The following SORCS2 variants were observed in gnomAD, a reference collection of about 807,000 sequenced individuals.
SORCS2 encodes sortilin related VPS10 domain containing receptor 2.
SORCS2 carries 100 observed loss-of-function variants against 141.6 expected under a neutral mutation model. The observed-to-expected ratio is 0.71, with a 90% confidence interval of 0.60 to 0.83. SORCS2 has a LOEUF of 0.83. Ranked by LOEUF, SORCS2 falls within the 40% of genes least tolerant of loss-of-function variation. The probability of loss-of-function intolerance (pLI) is 0.00; values close to 1 mark genes in which losing one functional copy is unlikely to be tolerated. For missense variants in SORCS2, 1,646 were observed against 1,560.2 expected (o/e 1.05, Z -0.93); for synonymous variants, 789 against 676.9 (o/e 1.17, Z -2.57).
At chr4:7,208,538 G>A (rs1180942799) in intron 1 of SORCS2, among the ~76,000 whole-genome samples, 7 of 152,200 alleles carry the variant, frequency 4.6e-5, no homozygotes, top group African/African-American at 1.7e-4. Flanking sequence ...TGTACACCCC[G>A]GCAGCCGCAG....
intron 1 of SORCS2, among the ~76,000 whole-genome samples, chr4:7,215,040 C>A (rs1192698920): frequency 2.0e-5 from 3 of 152,092 alleles, no homozygotes; most frequent in Non-Finnish European, 2.9e-5. Flanking sequence ...ACTTGAGGAG[C>A]CCTTCAGCCC....
chr4:7,635,768 T>G (rs1427622631), intron 3 of SORCS2, among the ~76,000 whole-genome samples: 1 of 152,184 alleles, frequency 6.6e-6, no homozygotes, highest in Non-Finnish European at 1.5e-5. Flanking sequence ...AGCACACACC[T>G]TCGTCCGCAT....
intron 23 of SORCS2, among the ~76,000 whole-genome samples, chr4:7,732,382 C>T (rs142267444): frequency 9.2e-5 from 14 of 152,192 alleles, no homozygotes; most frequent in East Asian, 1.9e-4. Context: ...TGAGAGGGGC[C>T]GGGAGGGAGT....
intron 17 of SORCS2, among the ~76,000 whole-genome samples, chr4:7,717,331 A>C (rs1351804267): frequency 6.6e-6 from 1 of 152,138 alleles, no homozygotes; most frequent in African/African-American, 2.4e-5. Flanking sequence ...AGCCAGCGCC[A>C]TCACAGCTGT....
In SORCS2 at chr4:7,400,628, C is replaced by T. The variant is rs187698761; in HGVS notation, c.548+4273C>T. On this transcript the variant is annotated intron_variant, in intron 2 of 26. Coordinates refer to ENST00000507866, the MANE Select transcript of SORCS2 (RefSeq NM_020777.3). ...TTGGATGAATGGATTGACAGATGGA[C>T]AGCCGGGTGGATGGATGAATGGACA... Among the ~76,000 whole-genome samples the T allele has an allele frequency of 2.0e-5, 3 of 152,070 alleles. No individual in the cohort carries two copies. The East Asian group carries it at 5.8e-4, about 29-fold the overall frequency.
chr4:7,192,933 C>A lies in SORCS2; in HGVS notation c.287C>A (p.Pro96Gln). The A allele has an allele frequency of 7.9e-7, 1 of 1,272,910 alleles. No individual in the cohort carries two copies. Among genetic ancestry groups the A allele is most frequent in the Non-Finnish European group, 9.9e-7 (1 of 1,013,566 alleles). The allele number at this position is 1,272,910 out of a possible 1,614,324, so 78.9% of individuals were successfully genotyped here. A position where few individuals can be genotyped will look rare whatever the true frequency, so the allele number is the denominator to read the frequency against. Reference sequence around the variant, plus strand: ...GGCACGGAGCCAGGCGCCCCGGGTCCGAGTCCCGGTCCCGCTCCTGGTCCC... The same window carrying A: ...GGCACGGAGCCAGGCGCCCCGGGTCAGAGTCCCGGTCCCGCTCCTGGTCCC... ...ARGTEPGAPG[P>Q]SPGPAPGPGE... The change falls in exon 1 of 27, where the codon CCG (proline) becomes CAG (glutamine). Residue 96 changes from proline to glutamine, a missense_variant. Pro to Gln is a moderately conservative substitution (Grantham distance 76, BLOSUM62 -1). Coordinates refer to ENST00000507866, the MANE Select transcript of SORCS2 (RefSeq NM_020777.3). This position sits in a 1 kb window ranked among gnomAD's most constrained non-coding sequence, Gnocchi z 4.0.
chr4:7,535,222 C>CACCA (rs1477842063), intron 3 of SORCS2, among the ~76,000 whole-genome samples: 1 of 152,228 alleles, frequency 6.6e-6, no homozygotes, highest in Non-Finnish European at 1.5e-5. Flanking sequence ...AGGTTGGAGG[C>CACCA]ACCAGGAGGC....
chr4:7,223,839 C>G (rs950519894), intron 1 of SORCS2, among the ~76,000 whole-genome samples: 8 of 152,116 alleles, frequency 5.3e-5, no homozygotes, highest in African/African-American at 1.9e-4. Flanking sequence ...CTGACCCTGC[C>G]TGCCTCATTC....
intron 3 of SORCS2, among the ~76,000 whole-genome samples, chr4:7,615,443 G>A (rs1038192900): frequency 2.0e-5 from 3 of 152,162 alleles, no homozygotes; most frequent in African/African-American, 7.2e-5. Flanking sequence ...TGCCAGGGAG[G>A]GAGAGGTGCC....
At chr4:7,724,696 T>G (rs150638474) in intron 19 of SORCS2, among the ~76,000 whole-genome samples, 365 of 19,556 alleles carry the variant, frequency 0.019, 7 homozygotes, top group East Asian at 0.043. Flanking sequence ...GGTGGTGGTG[T>G]TGGTGATGGT....
chr4:7,729,770 C>A lies in SORCS2; in HGVS notation c.3108+58C>A. ...TCCCTGCACATCCCAGGGCTCGGGT[C>A]ATTTACAACAAGCAGGGACGTCTCA... On this transcript the variant is annotated intron_variant, in intron 23 of 26. Coordinates refer to ENST00000507866, the MANE Select transcript of SORCS2 (RefSeq NM_020777.3). 1.9e-6 allele frequency: 3 copies of A among 1,568,000 alleles called. No individual in the cohort carries two copies. In the South Asian group the frequency reaches 3.5e-5, roughly 18 times the overall value.
intron 4 of SORCS2, among the ~76,000 whole-genome samples, chr4:7,652,545 G>A (rs1007633188): frequency 2.6e-5 from 4 of 152,094 alleles, no homozygotes; most frequent in African/African-American, 4.8e-5. Context: ...GGCTCCCTGA[G>A]TATCCCTGGC....
At chr4:7,569,570 A>C (rs1715244070) in intron 3 of SORCS2, among the ~76,000 whole-genome samples, 1 of 152,216 alleles carries the variant, frequency 6.6e-6, no homozygotes, top group South Asian at 2.1e-4. Context: ...GTGTGTGTAC[A>C]ATATGCCCAT....
intron 1 of SORCS2, among the ~76,000 whole-genome samples, chr4:7,277,892 A>G (rs2108853509): frequency 6.6e-6 from 1 of 152,338 alleles, no homozygotes; most frequent in South Asian, 2.1e-4. Flanking sequence ...GCAGCTCTGC[A>G]GAGTTCAGGG....
chr4:7,258,002 C>A (rs532338392), intron 1 of SORCS2, among the ~76,000 whole-genome samples: 1 of 152,210 alleles, frequency 6.6e-6, no homozygotes, highest in Non-Finnish European at 1.5e-5. Context: ...AGCTCTCACC[C>A]GCCCAGGTAC....
chr4:7,532,732 T>C (rs1711763407), intron 3 of SORCS2, among the ~76,000 whole-genome samples: 1 of 151,968 alleles, frequency 6.6e-6, no homozygotes, highest in South Asian at 2.1e-4. Context: ...GCAGCCTTGA[T>C]TGGGCCGTCT....
At chr4:7,382,204 C>T (rs976016553) in intron 1 of SORCS2, among the ~76,000 whole-genome samples, 6 of 152,030 alleles carry the variant, frequency 3.9e-5, no homozygotes, top group Admixed American at 1.3e-4. Context: ...TGGAGCTGAG[C>T]GGGGAGCAAT....
intron 1 of SORCS2, among the ~76,000 whole-genome samples, chr4:7,232,808 AC>A (rs1180408882): frequency 3.3e-5 from 5 of 152,160 alleles, no homozygotes; most frequent in African/African-American, 1.2e-4. Flanking sequence ...TGCCCAGGGC[AC>A]CCGGTTCAAT....
rs541969313 is a variant in SORCS2 at position 7,331,428 on chromosome 4, C to T, written c.481-64860C>T. Among the ~76,000 whole-genome samples the T allele has an allele frequency of 2.2e-3, 329 of 152,222 alleles. 2 individuals are homozygous for T. Among genetic ancestry groups the T allele is most frequent in the African/African-American group, 7.7e-3 (319 of 41,524 alleles). Reference sequence around the variant, plus strand: ...GTATGGACCCCACACTGTGTGTTTTCATGAAGCTGGGAGTGACAGTACCCA... The same window carrying T: ...GTATGGACCCCACACTGTGTGTTTTTATGAAGCTGGGAGTGACAGTACCCA... On this transcript the variant is annotated intron_variant, in intron 1 of 26. Coordinates refer to ENST00000507866, the MANE Select transcript of SORCS2 (RefSeq NM_020777.3).
Sources: allele counts gnomAD v4.1 joint callset (sites outside exome capture counted in the v4.1 genomes callset), GRCh38; gene constraint gnomAD v4.1.1; non-coding constraint Gnocchi (gnomAD v3.1); transcripts MANE v1.5; gene names NCBI Gene and HGNC (gene_info 2026-07-23, HGNC 2026-07-21).